The following CTNNA2 variants were observed in gnomAD, a reference collection of about 807,000 sequenced individuals.
CTNNA2 encodes the protein catenin alpha 2, also known as catenin alpha-2.
A neutral mutation model predicts 101.0 loss-of-function variants in CTNNA2; 42 were observed. That is an observed-to-expected ratio of 0.42 (90% CI 0.32 to 0.54). CTNNA2 has a LOEUF of 0.54. Among genes scored for constraint, CTNNA2 ranks in the 20% least tolerant of loss-of-function variants. The pLI is 0.14. For missense variants in CTNNA2, 871 were observed against 1,223.1 expected (o/e 0.71, Z 4.29); for synonymous variants, 450 against 456.4 (o/e 0.99, Z 0.18).
chr2:79,454,687 G>A (rs1041434825), intron 4 of CTNNA2, among the ~76,000 whole-genome samples: 13 of 152,088 alleles, frequency 8.5e-5, no homozygotes, highest in Non-Finnish European at 1.3e-4. Flanking sequence ...TTGAGTCTAC[G>A]TGGCCAGCCA....
intron 9 of CTNNA2, among the ~76,000 whole-genome samples, chr2:80,444,225 A>C (rs2149446118): frequency 6.6e-6 from 1 of 152,324 alleles, no homozygotes; most frequent in East Asian, 1.9e-4. Flanking sequence ...AAGGGCAATA[A>C]GGATGGGAGC....
At chr2:80,317,077 A>G (rs935562775) in intron 7 of CTNNA2, among the ~76,000 whole-genome samples, 3 of 152,090 alleles carry the variant, frequency 2.0e-5, no homozygotes, top group Admixed American at 2.0e-4. Flanking sequence ...CCAAGCAGAG[A>G]GAACAGAAGG....
chr2:79,895,966 C>G (rs1684686429), intron 6 of CTNNA2, among the ~76,000 whole-genome samples: 1 of 152,086 alleles, frequency 6.6e-6, no homozygotes. Context: ...AGGTGGCTGT[C>G]TCAGCTGGTC....
At chr2:79,601,899 A>G (rs983617426) in intron 1 of CTNNA2, among the ~76,000 whole-genome samples, 2 of 152,242 alleles carry the variant, frequency 1.3e-5, no homozygotes, top group African/African-American at 4.8e-5. Context: ...CCTACTGAAC[A>G]TCACATCTTA....
At chr2:80,449,257 G>A (rs1461277163) in intron 9 of CTNNA2, among the ~76,000 whole-genome samples, 5 of 151,734 alleles carry the variant, frequency 3.3e-5, no homozygotes, top group African/African-American at 7.3e-5. Flanking sequence ...CTCCAGCCTG[G>A]ATGACAGAGC....
At chr2:80,287,492 T>C (rs1164183447) in intron 7 of CTNNA2, among the ~76,000 whole-genome samples, 1 of 152,154 alleles carries the variant, frequency 6.6e-6, no homozygotes, top group Admixed American at 6.6e-5. Context: ...GTAATAGATA[T>C]GCTTGGTACC....
intron 7 of CTNNA2, among the ~76,000 whole-genome samples, chr2:80,109,303 C>CA (rs11404710): frequency 0.3 from 45,242 of 151,752 alleles, 7,675 homozygotes; most frequent in East Asian, 0.52. Flanking sequence ...TACTAAAATA[C>CA]AAAAAACATT....
At position 79,249,639 on chromosome 2, in the gene CTNNA2, C is replaced by T. The variant is rs144108903; in HGVS notation, c.-406+51563C>T. 3.1e-3 allele frequency among the ~76,000 whole-genome samples: 474 copies of T among 152,308 alleles called. 2 individuals carry two copies. Among genetic ancestry groups the T allele is most frequent in the African/African-American group, 0.011 (452 of 41,566 alleles). On this transcript the variant is annotated intron_variant, in intron 2 of 21. Coordinates refer to the CTNNA2 transcript ENST00000466387. ...CCCTAAACCAATTATTAACTCAAGC[C>T]TACTTGAGGCAGTGAGTTGGAGTAT...
chr2:80,151,060 C>T (rs1703664305), intron 7 of CTNNA2, among the ~76,000 whole-genome samples: 1 of 152,200 alleles, frequency 6.6e-6, no homozygotes, highest in Non-Finnish European at 1.5e-5. Context: ...AGGGGCATTT[C>T]TCTGTAAGCC....
intron 2 of CTNNA2, among the ~76,000 whole-genome samples, chr2:79,225,952 T>C (rs1674403467): frequency 6.6e-6 from 1 of 152,200 alleles, no homozygotes; most frequent in Non-Finnish European, 1.5e-5. Context: ...AATTAATGTC[T>C]CATTTTAAAT....
At chr2:79,358,342 G>A (rs1227059982) in intron 3 of CTNNA2, among the ~76,000 whole-genome samples, 2 of 152,072 alleles carry the variant, frequency 1.3e-5, no homozygotes. Context: ...TGGGGTTATA[G>A]GCGTCAGCCA....
chr2:79,665,416 A>C (rs1022383141), intron 2 of CTNNA2, among the ~76,000 whole-genome samples: 3 of 152,170 alleles, frequency 2.0e-5, no homozygotes, highest in Non-Finnish European at 4.4e-5. Context: ...AATTTTCTGA[A>C]TATTTCTGCC....
Position 80,393,303 on chromosome 2 carries a change from T to A in CTNNA2, c.1137+12T>A, listed in dbSNP as rs1477154366. 1 of 1,579,490 alleles carries A rather than the reference T, an allele frequency of 6.3e-7. No homozygotes were observed. Among genetic ancestry groups the A allele is most frequent in the Non-Finnish European group, 8.7e-7 (1 of 1,155,378 alleles). On this transcript the variant is annotated intron_variant, in intron 8 of 18. Coordinates refer to ENST00000402739, the MANE Select transcript of CTNNA2 (RefSeq NM_001282597.3). Reference sequence around the variant, plus strand: ...ATCTAAGGAGACAGGTACTATTTTTTATTTTTACTTTAAGTCCATGATATT... The same window carrying A: ...ATCTAAGGAGACAGGTACTATTTTTAATTTTTACTTTAAGTCCATGATATT...
Position 80,312,321 on chromosome 2 carries a change from T to C in CTNNA2, c.1057-80890T>C, listed in dbSNP as rs138396064. Reference sequence around the variant, plus strand: ...GTCTAAGCTAATTCTGATGGGCTATTTAAAGAGGGCGGGGGTATGAGCCAG... The same window carrying C: ...GTCTAAGCTAATTCTGATGGGCTATCTAAAGAGGGCGGGGGTATGAGCCAG... On this transcript the variant is annotated intron_variant, in intron 7 of 18. Transcript: ENST00000402739. 7.1e-4 allele frequency among the ~76,000 whole-genome samples: 108 copies of C among 152,234 alleles called. 2 individuals are homozygous for C. The East Asian group carries it at 0.02, about 29-fold the overall frequency.
At chr2:80,479,506 G>T (rs904497983) in intron 9 of CTNNA2, among the ~76,000 whole-genome samples, 1 of 152,138 alleles carries the variant, frequency 6.6e-6, no homozygotes, top group Admixed American at 6.5e-5. Flanking sequence ...GCATGATGAA[G>T]TGAAGACAAA....
intron 18 of CTNNA2, among the ~76,000 whole-genome samples, chr2:80,619,440 A>G (rs903711859): frequency 1.3e-5 from 2 of 151,936 alleles, no homozygotes; most frequent in African/African-American, 4.8e-5. Flanking sequence ...TTGAGAAGTG[A>G]AAAAGGTATT....
intron 7 of CTNNA2, among the ~76,000 whole-genome samples, chr2:79,936,282 T>G (rs576091966): frequency 6.6e-6 from 1 of 152,202 alleles, no homozygotes; most frequent in East Asian, 1.9e-4. Context: ...CCCAGAGAAT[T>G]TTCAGTGGTG....
At chr2:80,247,854 A>G (rs1228365381) in intron 7 of CTNNA2, among the ~76,000 whole-genome samples, 1 of 152,170 alleles carries the variant, frequency 6.6e-6, no homozygotes, top group Non-Finnish European at 1.5e-5. Flanking sequence ...TAGAGGAACT[A>G]AATAGATTCT....
chr2:80,030,236 A>G (rs1695201592), intron 7 of CTNNA2, among the ~76,000 whole-genome samples: 1 of 152,044 alleles, frequency 6.6e-6, no homozygotes, highest in South Asian at 2.1e-4. Context: ...ATTGTTAAAA[A>G]AAAAAAAAAA....
Sources: gnomAD v4.1 joint callset for allele counts (sites outside exome capture counted in the v4.1 genomes callset) on GRCh38, gnomAD v4.1.1 for gene constraint, MANE v1.5 for transcripts, NCBI Gene and HGNC (gene_info 2026-07-23, HGNC 2026-07-21) for gene names.